Variants in F13A1 observed in about 807,000 individuals in gnomAD.
F13A1 encodes FSF, A subunit.
A neutral mutation model predicts 80.1 loss-of-function variants in F13A1; 47 were observed. That is an observed-to-expected ratio of 0.59 (90% CI 0.46 to 0.75). The LOEUF (loss-of-function observed/expected upper bound fraction) is 0.75. Among genes scored for constraint, F13A1 ranks in the 30% least tolerant of loss-of-function variants. F13A1 has a pLI of 0.00. For synonymous variants in F13A1, 349 were observed against 344.9 expected, an observed-to-expected ratio of 1.01 and a Z score of -0.13; for missense variants, 817 against 930.4, an observed-to-expected ratio of 0.88 and a Z score of 1.59.
At chr6:6,194,791 T>C (rs1451770547) in intron 10 of F13A1, among the ~76,000 whole-genome samples, 1 of 152,224 alleles carries the variant, frequency 6.6e-6, no homozygotes, top group African/African-American at 2.4e-5. Flanking sequence ...TAACTATTTG[T>C]TCCTCCTGGA....
intron 7 of F13A1, among the ~76,000 whole-genome samples, chr6:6,223,574 C>T (rs763597738): frequency 2.0e-5 from 3 of 152,096 alleles, no homozygotes; most frequent in Non-Finnish European, 4.4e-5. Context: ...ATTTTCATTG[C>T]TCCCAAGAAA....
intron 3 of F13A1, among the ~76,000 whole-genome samples, chr6:6,283,052 TG>T (rs1758088005): frequency 6.6e-6 from 1 of 152,174 alleles, no homozygotes; most frequent in South Asian, 2.1e-4. Context: ...TCATCAGTAA[TG>T]GGATCTGTAA....
At chr6:6,266,467 C>T (rs1757845496) in intron 4 of F13A1, 91 bp downstream of exon 4, 1 of 1,599,748 alleles carries the variant, frequency 6.3e-7, no homozygotes, top group Admixed American at 1.7e-5. Context: ...CCATCTTGGC[C>T]TCCCAAAGAG....
intron 8 of F13A1, among the ~76,000 whole-genome samples, chr6:6,213,367 C>T (rs1291716375): frequency 2.0e-5 from 3 of 151,956 alleles, no homozygotes; most frequent in Non-Finnish European, 4.4e-5. Flanking sequence ...AGAGTGGGGG[C>T]CAATATTCAA....
At chr6:6,255,965 A>G (rs1415842057) in intron 4 of F13A1, among the ~76,000 whole-genome samples, 1 of 152,202 alleles carries the variant, frequency 6.6e-6, no homozygotes, top group East Asian at 1.9e-4. Flanking sequence ...AAACTCCAAA[A>G]AAACTCCCTA....
chr6:6,192,118 A>T (rs1761212252), intron 10 of F13A1, among the ~76,000 whole-genome samples: 1 of 152,218 alleles, frequency 6.6e-6, no homozygotes, highest in African/African-American at 2.4e-5. Context: ...GGATGTGTGG[A>T]TGCTTTCTGA....
chr6:6,199,022 T>C (rs1761343536), intron 8 of F13A1, among the ~76,000 whole-genome samples: 1 of 152,236 alleles, frequency 6.6e-6, no homozygotes, highest in Admixed American at 6.5e-5. Context: ...TGGAACTGTC[T>C]GCTGTGTGTT....
At chr6:6,253,322 T>C (rs940713422) in intron 4 of F13A1, among the ~76,000 whole-genome samples, 20 of 152,236 alleles carry the variant, frequency 1.3e-4, no homozygotes, top group Middle Eastern at 6.8e-3. Flanking sequence ...CCTCTAAATG[T>C]GGAATATCCT....
chr6:6,236,686 A>G (rs750220179), intron 6 of F13A1, among the ~76,000 whole-genome samples: 3 of 152,136 alleles, frequency 2.0e-5, no homozygotes, highest in Non-Finnish European at 2.9e-5. Context: ...ATTCCGTTAA[A>G]TTTCATTGTT....
chr6:6,258,092 T>C (rs1757726535), intron 4 of F13A1, among the ~76,000 whole-genome samples: 2 of 152,178 alleles, frequency 1.3e-5, no homozygotes, highest in South Asian at 4.1e-4. Flanking sequence ...CGGCTGGCCA[T>C]CTATTGGTTT....
intron 3 of F13A1, among the ~76,000 whole-genome samples, chr6:6,283,434 A>G (rs765209205): frequency 1.2e-4 from 18 of 152,248 alleles, no homozygotes; most frequent in Non-Finnish European, 2.1e-4. Flanking sequence ...CCTTATTTTG[A>G]TGGTTGCACA....
chr6:6,186,551 C>T (rs935275206), intron 10 of F13A1, among the ~76,000 whole-genome samples: 2 of 152,186 alleles, frequency 1.3e-5, no homozygotes, highest in Non-Finnish European at 2.9e-5. Context: ...GGCATTATTT[C>T]TGAGGACTCT....
At chr6:6,152,320 G>A (rs1025979640) in intron 13 of F13A1, among the ~76,000 whole-genome samples, 4 of 152,130 alleles carry the variant, frequency 2.6e-5, no homozygotes, top group African/African-American at 9.7e-5. Flanking sequence ...GTTTCCTGCT[G>A]GGACAAAGGG....
intron 3 of F13A1, among the ~76,000 whole-genome samples, chr6:6,285,822 G>A (rs1274181331): frequency 2.0e-5 from 3 of 152,238 alleles, no homozygotes; most frequent in Non-Finnish European, 4.4e-5. Flanking sequence ...TGAAACTGGT[G>A]ATCAGCAGCT....
chr6:6,170,841 CAATTT>C (rs1760759940), intron 12 of F13A1, among the ~76,000 whole-genome samples: 1 of 152,092 alleles, frequency 6.6e-6, no homozygotes, highest in Non-Finnish European at 1.5e-5. Flanking sequence ...CAATACACTG[CAATTT>C]AATTTATATT....
At chr6:6,273,059 T>G (rs1287905450) in intron 3 of F13A1, among the ~76,000 whole-genome samples, 3 of 152,198 alleles carry the variant, frequency 2.0e-5, no homozygotes, top group African/African-American at 7.2e-5. Context: ...CTCTTCTCAC[T>G]GCTCTCTGTG....
In F13A1 at chr6:6,305,398, C is replaced by T. The variant is rs769424362; in HGVS notation, c.272G>A (p.Arg91His). Residue 91 changes from arginine to histidine, a missense_variant, in exon 3 of 15, where the codon CGT (arginine) becomes CAT (histidine). By Grantham distance (29) the Arg-to-His change is conservative. Coordinates refer to ENST00000264870, the MANE Select transcript of F13A1 (RefSeq NM_000129.4). ...GAGATCCCTTCTGGGGTCATATGGA[C>T]GACTGAAGTCAATCTGCACATAGAA... ...QSFYVQIDFSRPYDPRRDLFR... is the reference protein window; with the variant it reads ...QSFYVQIDFSHPYDPRRDLFR... The T allele has an allele frequency of 4.0e-5, 65 of 1,614,090 alleles. No homozygotes were observed. The highest frequency in any genetic ancestry group is 2.7e-5 in the African/African-American group (2 of 74,940).
rs149443231 is a variant in F13A1, at chr6:6,244,826, G to A, written c.798+3486C>T. 1.2e-3 allele frequency among the ~76,000 whole-genome samples: 183 copies of A among 152,234 alleles called. 3 individuals are homozygous for A. The highest frequency in any genetic ancestry group is 4.2e-3 in the African/African-American group (174 of 41,534). On this transcript the variant is annotated intron_variant, in intron 6 of 14. Coordinates refer to ENST00000264870, the MANE Select transcript of F13A1 (RefSeq NM_000129.4). ...AACCAGAATCAAGGTCCAATCCCTC[G>A]ACACGAGCTGAGTCGCTTCCCATAT... is the stretch of plus-strand genomic sequence containing the variant.
At chr6:6,173,447 A>C (rs1444016342) in intron 12 of F13A1, among the ~76,000 whole-genome samples, 1 of 142,636 alleles carries the variant, frequency 7.0e-6, no homozygotes, top group Non-Finnish European at 1.5e-5. Flanking sequence ...TCGCTCAGTC[A>C]CCCAGGCTGG....
Sources: gnomAD v4.1 joint callset for allele counts (sites outside exome capture counted in the v4.1 genomes callset) on GRCh38, gnomAD v4.1.1 for gene constraint, MANE v1.5 for transcripts, NCBI Gene and HGNC (gene_info 2026-07-23, HGNC 2026-07-21) for gene names.